PRKAR1B: variants seen among roughly 807,000 people sequenced by gnomAD.
PRKAR1B encodes protein kinase cAMP-dependent type I regulatory subunit beta.
In PRKAR1B, 22 loss-of-function variants were observed where a neutral mutation model predicts 46.5. The observed-to-expected ratio is 0.47, with a 90% CI of 0.34 to 0.68. The LOEUF (loss-of-function observed/expected upper bound fraction) is 0.68. Ranked by LOEUF, PRKAR1B falls within the 30% of genes least tolerant of loss-of-function variation. The pLI is 0.01. For missense variants in PRKAR1B, 445 were observed against 535.6 expected, an observed-to-expected ratio of 0.83 and a Z score of 1.67; for synonymous variants, 259 against 217.7, an observed-to-expected ratio of 1.19 and a Z score of -1.67.
chr7:655,976 C>T lies in PRKAR1B; in HGVS notation c.440+21253G>A, dbSNP rs547191546. Among the ~76,000 whole-genome samples the T allele has an allele frequency of 1.1e-4, 16 of 152,324 alleles. No individual in the cohort carries two copies. In the South Asian group the frequency reaches 3.3e-3, roughly 32 times the overall value. ...CCCGCGTAAGTGGTTGGGTTTCTCA[C>T]TGAGTCAGAAAAATCCATTTATGAG... On this transcript the variant is annotated intron_variant, in intron 4 of 10. Transcript: ENST00000537384.
intron 4 of PRKAR1B, among the ~76,000 whole-genome samples, chr7:620,018 T>TG (rs1783031161): frequency 5.1e-5 from 1 of 19,624 alleles, no homozygotes. Context: ...ACCCAGCTAC[T>TG]TTTTTTTTTT....
chr7:609,318 TTTA>T (rs1782340416), intron 4 of PRKAR1B, among the ~76,000 whole-genome samples: 1 of 152,178 alleles, frequency 6.6e-6, no homozygotes, highest in Non-Finnish European at 1.5e-5. Context: ...CTCCCTCTTT[TTTA>T]AAAAAATATT....
intron 9 of PRKAR1B, among the ~76,000 whole-genome samples, chr7:561,009 C>A (rs1020153007): frequency 6.6e-6 from 1 of 151,678 alleles, no homozygotes; most frequent in East Asian, 1.9e-4. Flanking sequence ...GAATCCTATA[C>A]ATACACACAC....
At chr7:618,516 C>T (rs577486305) in intron 4 of PRKAR1B, among the ~76,000 whole-genome samples, 7 of 152,250 alleles carry the variant, frequency 4.6e-5, no homozygotes, top group Admixed American at 2.0e-4. Context: ...AAATGGTATC[C>T]TGCTGCAGAT....
chr7:555,920 GC>G (rs1161235256), intron 9 of PRKAR1B, among the ~76,000 whole-genome samples: 3 of 152,146 alleles, frequency 2.0e-5, no homozygotes, highest in Non-Finnish European at 4.4e-5. Context: ...TTGCATCCAG[GC>G]CCCCCACCTC....
intron 4 of PRKAR1B, among the ~76,000 whole-genome samples, chr7:654,545 TTCACCA>T (rs1054159869): frequency 1.7e-4 from 25 of 146,016 alleles, no homozygotes; most frequent in Non-Finnish European, 3.0e-4. Context: ...CCTTATCACC[TTCACCA>T]TCACCATCAT....
chr7:626,849 T>C (rs1360887366), intron 4 of PRKAR1B, among the ~76,000 whole-genome samples: 1 of 152,076 alleles, frequency 6.6e-6, no homozygotes, highest in African/African-American at 2.4e-5. Context: ...TAGCTGGGAC[T>C]ACAGGTACAG....
At chr7:580,171 C>T (rs1562534037) in intron 8 of PRKAR1B, among the ~76,000 whole-genome samples, 1 of 148,978 alleles carries the variant, frequency 6.7e-6, no homozygotes, top group Non-Finnish European at 1.5e-5. Context: ...GTCGCGGCTG[C>T]AGTGAGCTAT....
At chr7:558,689 T>G (rs1583199170) in intron 9 of PRKAR1B, among the ~76,000 whole-genome samples, 1 of 146,322 alleles carries the variant, frequency 6.8e-6, no homozygotes, top group Non-Finnish European at 1.5e-5. Flanking sequence ...GAGGGGGAGG[T>G]TGCAGTGAGC....
At chr7:652,577 C>T (rs533934632) in intron 4 of PRKAR1B, among the ~76,000 whole-genome samples, 1 of 152,312 alleles carries the variant, frequency 6.6e-6, no homozygotes, top group South Asian at 2.1e-4. Context: ...CTGGGGAAAC[C>T]CCTCTTGGAA....
At chr7:586,112 A>G (rs113003704) in intron 7 of PRKAR1B, among the ~76,000 whole-genome samples, 7,268 of 152,196 alleles carry the variant, frequency 0.048, 509 homozygotes, top group African/African-American at 0.15. Flanking sequence ...CCTGAGGAGC[A>G]TCAGTAAGAG....
intron 4 of PRKAR1B, among the ~76,000 whole-genome samples, chr7:619,602 C>G (rs1265206353): frequency 6.6e-6 from 1 of 152,218 alleles, no homozygotes; most frequent in Non-Finnish European, 1.5e-5. Context: ...TAAACTACCT[C>G]TTGCATCTAT....
chr7:674,556 A>T (rs892428785), intron 4 of PRKAR1B, among the ~76,000 whole-genome samples: 2 of 150,862 alleles, frequency 1.3e-5, no homozygotes, highest in African/African-American at 4.9e-5. Flanking sequence ...TTCCAGCCAC[A>T]CCCAGCTACT....
intron 9 of PRKAR1B, among the ~76,000 whole-genome samples, chr7:555,783 A>C (rs1022008182): frequency 2.0e-5 from 3 of 152,218 alleles, no homozygotes; most frequent in African/African-American, 7.2e-5. Flanking sequence ...GATGACATCC[A>C]GCCCTACCCG....
At chr7:646,476 G>T (rs1784628716) in intron 4 of PRKAR1B, among the ~76,000 whole-genome samples, 1 of 152,216 alleles carries the variant, frequency 6.6e-6, no homozygotes, top group Admixed American at 6.5e-5. Flanking sequence ...TCGATGGTGG[G>T]GCAGGAAGAC....
intron 9 of PRKAR1B, among the ~76,000 whole-genome samples, chr7:559,454 G>GC (rs1381483910): frequency 1.3e-5 from 2 of 152,266 alleles, no homozygotes; most frequent in East Asian, 3.9e-4. Flanking sequence ...GCTGGTGGTC[G>GC]CACTTCCCCA....
chr7:560,363 A>AC lies in PRKAR1B; in HGVS notation c.892-8894_892-8893insG, dbSNP rs1778708888. On this transcript the variant is annotated intron_variant, in intron 9 of 10. Transcript: ENST00000537384. This position sits in a 1 kb window ranked among gnomAD's most constrained non-coding sequence, Gnocchi z 4.2. Reference sequence around the variant, plus strand: ...AGTGTTAGAATGAACTAATACAAATAATAATAATAATAATAATAATAATAA... The same window carrying AC: ...AGTGTTAGAATGAACTAATACAAATACATAATAATAATAATAATAATAATAA... Among the ~76,000 whole-genome samples the AC allele has an allele frequency of 2.3e-5, 1 of 43,862 alleles. No homozygotes were observed. Among genetic ancestry groups the AC allele is most frequent in the East Asian group, 5.3e-4 (1 of 1,896 alleles). 28.8% of individuals were successfully genotyped at this position (43,862 alleles called of 152,430 possible). A position where few individuals can be genotyped will look rare whatever the true frequency, so the allele number is the denominator to read the frequency against.
At chr7:646,982 C>A (rs1301479072) in intron 4 of PRKAR1B, among the ~76,000 whole-genome samples, 1 of 152,182 alleles carries the variant, frequency 6.6e-6, no homozygotes, top group African/African-American at 2.4e-5. Context: ...CACTGCCCCC[C>A]ACTCCTGGCC....
rs975380303 is a variant in PRKAR1B at position 714,068 on chromosome 7, C to T, written c.-22-2541G>A. Among the ~76,000 whole-genome samples, 2 of 152,178 alleles carry T rather than the reference C, an allele frequency of 1.3e-5. No homozygotes were observed. The highest frequency in any genetic ancestry group is 2.9e-5 in the Non-Finnish European group (2 of 68,028). On this transcript the variant is annotated intron_variant, in intron 1 of 10. Transcript: ENST00000537384. This position sits in a 1 kb window ranked among gnomAD's most constrained non-coding sequence, Gnocchi z 4.3. ...ACCAGCAGTACCATCACGTGCTCCCCGCGGCCCCTCCACTCCCTCCTCCTC... is the reference window on the plus strand; with the variant it reads ...ACCAGCAGTACCATCACGTGCTCCCTGCGGCCCCTCCACTCCCTCCTCCTC...
Sources: gnomAD v4.1 joint callset for allele counts (sites outside exome capture counted in the v4.1 genomes callset) on GRCh38, gnomAD v4.1.1 for gene constraint, Gnocchi (gnomAD v3.1) non-coding constraint, MANE v1.5 for transcripts, NCBI Gene and HGNC (gene_info 2026-07-23, HGNC 2026-07-21) for gene names.